Variants in DLG2 observed in about 807,000 individuals in gnomAD.
DLG2 encodes the protein disks large homolog 2.
In DLG2, 45 loss-of-function variants were observed where a neutral mutation model predicts 132.5. The ratio of observed to expected loss-of-function variants is 0.34; its 90% confidence interval spans 0.27 to 0.44. The LOEUF is 0.44. DLG2 is among the 20% of genes least tolerant of loss of function. The pLI is 1.00. For missense variants in DLG2, 1,045 were observed against 1,196.9 expected (o/e 0.87, Z 1.87); for synonymous variants, 424 against 419.6 (o/e 1.01, Z -0.13).
intron 11 of DLG2, among the ~76,000 whole-genome samples, chr11:83,987,191 G>A (rs6592153): frequency 0.87 from 132,765 of 152,002 alleles, 58,295 homozygotes; most frequent in East Asian, 1. Context: ...TCAATGAAAT[G>A]AAAGAGGATA....
At chr11:84,817,864 G>T (rs1259340852) in intron 6 of DLG2, among the ~76,000 whole-genome samples, 1 of 151,874 alleles carries the variant, frequency 6.6e-6, no homozygotes, top group African/African-American at 2.4e-5. Context: ...GCTAATACAA[G>T]TAAATCTGTG....
chr11:83,807,573 T>C lies in DLG2; in HGVS notation c.1723-20781A>G, dbSNP rs191848093. On this transcript the variant is annotated intron_variant, in intron 17 of 27. Coordinates refer to ENST00000376104, the MANE Select transcript of DLG2 (RefSeq NM_001142699.3). The stretch of plus-strand genomic sequence containing the variant: ...CACAAAGTGAATGCTCAGTAAATAA[T>C]AGGAAGGAGGGGAAAAGCGAATCAG... Among the ~76,000 whole-genome samples, 5 of 151,696 alleles carry C rather than the reference T, an allele frequency of 3.3e-5. No homozygotes were observed. The East Asian group carries it at 5.8e-4, about 18-fold the overall frequency.
At chr11:84,769,569 A>G (rs2068946645) in intron 6 of DLG2, among the ~76,000 whole-genome samples, 1 of 152,220 alleles carries the variant, frequency 6.6e-6, no homozygotes, top group Admixed American at 6.5e-5. Flanking sequence ...AAATAATTCA[A>G]GAAAATTTCA....
At chr11:84,598,073 C>G (rs546384401) in intron 6 of DLG2, among the ~76,000 whole-genome samples, 5 of 152,282 alleles carry the variant, frequency 3.3e-5, no homozygotes, top group African/African-American at 1.2e-4. Context: ...TTAAGATATC[C>G]AAAGTTGCAG....
chr11:83,508,168 G>A (rs990456380), intron 21 of DLG2, among the ~76,000 whole-genome samples: 4 of 151,524 alleles, frequency 2.6e-5, no homozygotes, highest in African/African-American at 9.7e-5. Flanking sequence ...ATCCAATCAA[G>A]TTGATACTCA....
At chr11:84,543,189 A>T (rs1426064685) in intron 6 of DLG2, among the ~76,000 whole-genome samples, 2 of 152,202 alleles carry the variant, frequency 1.3e-5, no homozygotes, top group African/African-American at 4.8e-5. Context: ...ACTGGAGCAC[A>T]GTTTTATTTC....
At chr11:85,076,437 A>G (rs1275491552) in intron 6 of DLG2, among the ~76,000 whole-genome samples, 1 of 152,030 alleles carries the variant, frequency 6.6e-6, no homozygotes, top group Non-Finnish European at 1.5e-5. Context: ...TCTAAACTTT[A>G]TTCATCCACC....
chr11:84,428,850 C>G (rs536540305), intron 7 of DLG2, among the ~76,000 whole-genome samples: 1 of 152,252 alleles, frequency 6.6e-6, no homozygotes, highest in South Asian at 2.1e-4. Flanking sequence ...CAACTATAAG[C>G]TTGTAATGAT....
intron 4 of DLG2, among the ~76,000 whole-genome samples, chr11:85,212,627 A>C (rs913703445): frequency 3.3e-5 from 5 of 152,166 alleles, no homozygotes; most frequent in African/African-American, 1.2e-4. Context: ...ACAAAAACTA[A>C]TGCTCAGCAT....
At chr11:83,772,585 AAG>A (rs1302017459) in intron 18 of DLG2, among the ~76,000 whole-genome samples, 5 of 151,814 alleles carry the variant, frequency 3.3e-5, no homozygotes, top group South Asian at 2.1e-4. Flanking sequence ...AAAGAAAGAA[AAG>A]AGAGAGAGGA....
chr11:83,731,886 A>T (rs2091076236), intron 18 of DLG2, among the ~76,000 whole-genome samples: 1 of 152,224 alleles, frequency 6.6e-6, no homozygotes, highest in Non-Finnish European at 1.5e-5. Context: ...CTATACCACC[A>T]GAAAGGGTTA....
At chr11:83,916,215 A>G (rs1186672934) in intron 15 of DLG2, among the ~76,000 whole-genome samples, 2 of 152,150 alleles carry the variant, frequency 1.3e-5, no homozygotes, top group Non-Finnish European at 2.9e-5. Flanking sequence ...GAACATTTGT[A>G]TACAAGCTTT....
At chr11:85,511,535 A>G (rs1261088297) in intron 3 of DLG2, among the ~76,000 whole-genome samples, 1 of 151,958 alleles carries the variant, frequency 6.6e-6, no homozygotes, top group Non-Finnish European at 1.5e-5. Context: ...GTTGCCTCAG[A>G]GACTGAACAT....
At chr11:85,285,714 G>A (rs1418915557) in intron 3 of DLG2, among the ~76,000 whole-genome samples, 1 of 151,944 alleles carries the variant, frequency 6.6e-6, no homozygotes, top group Non-Finnish European at 1.5e-5. Flanking sequence ...AGTGAAAGAA[G>A]TCAGTCTGGA....
intron 7 of DLG2, among the ~76,000 whole-genome samples, chr11:84,499,648 A>T (rs1009746528): frequency 6.6e-5 from 10 of 152,192 alleles, no homozygotes; most frequent in African/African-American, 2.4e-4. Context: ...TTGACACTAA[A>T]TATAAATATT....
chr11:83,968,941 G>C (rs1403999111), intron 12 of DLG2, among the ~76,000 whole-genome samples: 2 of 152,160 alleles, frequency 1.3e-5, no homozygotes, highest in African/African-American at 4.8e-5. Flanking sequence ...GAACATAGTT[G>C]ATAATGGCAG....
At chr11:85,308,961 C>G (rs1314133788) in intron 3 of DLG2, among the ~76,000 whole-genome samples, 2 of 152,118 alleles carry the variant, frequency 1.3e-5, no homozygotes, top group Non-Finnish European at 2.9e-5. Context: ...ATTCGCCTCA[C>G]TTCCATGAGA....
intron 7 of DLG2, among the ~76,000 whole-genome samples, chr11:84,496,635 T>C (rs949101179): frequency 2.6e-5 from 4 of 152,152 alleles, no homozygotes; most frequent in African/African-American, 9.7e-5. Flanking sequence ...AAAGACTTTT[T>C]ATTGAAAAAT....
intron 6 of DLG2, among the ~76,000 whole-genome samples, chr11:84,587,642 A>T (rs191018910): frequency 5.3e-5 from 8 of 152,286 alleles, no homozygotes; most frequent in African/African-American, 1.9e-4. Flanking sequence ...ATCTGATGGC[A>T]GACTTGCTCC....
Sources: allele counts gnomAD v4.1 joint callset (sites outside exome capture counted in the v4.1 genomes callset), GRCh38; gene constraint gnomAD v4.1.1; transcripts MANE v1.5; gene names NCBI Gene and HGNC (gene_info 2026-07-23, HGNC 2026-07-21).